The following RPAP1 variants were observed in gnomAD, a reference collection of about 807,000 sequenced individuals.
RPAP1 encodes the protein RNA polymerase II-associated protein 1.
In RPAP1, 109 loss-of-function variants were observed where a neutral mutation model predicts 142.4. That is an observed-to-expected ratio of 0.77 (90% CI 0.66 to 0.90). The LOEUF (loss-of-function observed/expected upper bound fraction) is 0.90, where lower values mean the gene tolerates loss of function less well. RPAP1 is among the 40% of genes least tolerant of loss of function. The probability of loss-of-function intolerance (pLI) is 0.00; values close to 1 mark genes in which losing one functional copy is unlikely to be tolerated. For missense variants in RPAP1, 1,546 were observed against 1,751.7 expected, an observed-to-expected ratio of 0.88 and a Z score of 2.10; for synonymous variants, 704 against 738.9, an observed-to-expected ratio of 0.95 and a Z score of 0.77.
rs561671546 is a variant in RPAP1, at chr15:41,522,514, C to T, written c.2742+251G>A. ...CAAGTGATTCTCCTGCCTCAGCCTC[C>T]CGAGTAGCTGGGATTACAGGCATGT... On this transcript the variant is annotated intron_variant, in intron 19 of 24. Transcript: ENST00000304330. The T allele has an allele frequency of 6.0e-5, 34 of 566,514 alleles. No homozygotes were observed. The East Asian group carries it at 1.0e-3, about 17-fold the overall frequency. 35.1% of individuals were successfully genotyped at this position (566,514 alleles called of 1,614,324 possible).
Position 41,522,833 on chromosome 15 carries a change from G to A in RPAP1, c.2674C>T (p.Pro892Ser). 1.3e-6 allele frequency: 2 copies of A among 1,587,466 alleles called. No homozygotes were observed. The highest frequency in any genetic ancestry group is 2.3e-5 in the East Asian group (1 of 43,172). ...LSLAGSASPFPFLTALLSLLN... is the reference protein window; with the variant it reads ...LSLAGSASPFSFLTALLSLLN... ...AGAGAGAGGAGGGCAGTGAGGAATG[G>A]GAAGGGTGAGGCTGAGCCAGCCAGA... The change falls in exon 19 of 25, where the codon CCA becomes TCA. Residue 892 changes from proline to serine, a missense_variant. This residue lies in a region of RPAP1 where 1,333 missense variants were observed against 1,486.6 expected (regional missense o/e 0.90). Coordinates refer to ENST00000304330, the MANE Select transcript of RPAP1 (RefSeq NM_015540.4).
Position 41,534,718 on chromosome 15 carries a change from C to T in RPAP1, c.759G>A (p.Gln253=), listed in dbSNP as rs778319614. Residue 253 remains glutamine (Q), a synonymous_variant, in exon 6 of 25, where the codon CAG becomes CAA. Transcript: ENST00000304330. ...ILQEQQRLLA[Q]LDPSLVAFLR... ...AGGAAAGCCAGGCACCCATACCAAG[C>T]TGGGCCAGCAACCGCTGCTGTTCCT... is the stretch of plus-strand genomic sequence containing the variant. 2 of 1,612,762 alleles carry T rather than the reference C, an allele frequency of 1.2e-6. No homozygotes were observed. Among genetic ancestry groups the T allele is most frequent in the Admixed American group, 1.7e-5 (1 of 59,980 alleles).
chr15:41,537,258 G>A, intron 1 of RPAP1, 57 bp from the exon 2 acceptor site: 4 of 835,830 alleles, frequency 4.8e-6, no homozygotes, highest in Non-Finnish European at 7.4e-6. Flanking sequence ...CTCTTTATTG[G>A]GCAACAGCGA....
chr15:41,521,699 C>T (rs1595480658), intron 21 of RPAP1, 39 bp downstream of exon 21: 1 of 1,609,762 alleles, frequency 6.2e-7, no homozygotes, highest in Non-Finnish European at 8.5e-7. Flanking sequence ...GCAGCAGCGT[C>T]CAAAAGGGCT....
Position 41,517,386 on chromosome 15 carries a change from TA to T in RPAP1, c.*155del. 1.5e-6 allele frequency: 1 copy of T among 670,042 alleles called. No individual in the cohort carries two copies. Among genetic ancestry groups the T allele is most frequent in the Non-Finnish European group, 2.5e-6 (1 of 400,752 alleles). 41.5% of individuals were successfully genotyped at this position (670,042 alleles called of 1,614,324 possible). ...GATGTAATGGTAGGGCTCACTGCTC[TA>T]AAACAGCTCAAACAACCTGCTCCCA... is the stretch of plus-strand genomic sequence containing the variant. On this transcript the variant is annotated 3_prime_UTR_variant, in exon 25 of 25. Coordinates refer to ENST00000304330, the MANE Select transcript of RPAP1 (RefSeq NM_015540.4).
Position 41,536,602 on chromosome 15 carries a change from C to T in RPAP1, c.229G>A (p.Ala77Thr). 1 of 1,614,120 alleles carries T rather than the reference C, an allele frequency of 6.2e-7. No homozygotes were observed. The highest frequency in any genetic ancestry group is 8.5e-7 in the Non-Finnish European group (1 of 1,180,028). The change falls in exon 3 of 25, where the codon GCC becomes ACC. Residue 77 changes from alanine (A) to threonine (T), a missense_variant. Ala to Thr is a moderately conservative substitution (Grantham distance 58). Around this residue, in one of 3 missense-constraint regions of RPAP1, gnomAD observed 1,333 missense variants for 1,486.6 expected, o/e 0.90. Transcript: ENST00000304330. ...PALVPSPPKRARPSPGHCLPE... is the reference protein window; with the variant it reads ...PALVPSPPKRTRPSPGHCLPE... ...AGGCAGTGGCCAGGGCTGGGCCTGG[C>T]TCTCTTTGGAGGAGAAGGGACCAAA... is the stretch of plus-strand genomic sequence containing the variant.
In RPAP1 at chr15:41,527,257, C is replaced by T. The variant is rs1167892240; in HGVS notation, c.1656G>A (p.Leu552=). 9.9e-6 allele frequency: 16 copies of T among 1,614,124 alleles called. No individual in the cohort carries two copies. In the South Asian group the frequency reaches 1.4e-4, roughly 14 times the overall value. ...CCGCAGGTCCTGGGTATGTCACCTC[C>T]AGCACGTAGCGCAGCCGAGGCAGCA... is the stretch of plus-strand genomic sequence containing the variant. ...TSLLPRLRYV[L]EVTYPGPAVV... is the part of the protein sequence containing the mutation. Residue 552 remains leucine (L), a synonymous_variant, in exon 13 of 25, where the codon CTG becomes CTA. Transcript: ENST00000304330.
At chr15:41,522,537 T>C (rs1228081867) in intron 19 of RPAP1, 7 of 562,164 alleles carry the variant, frequency 1.2e-5, no homozygotes, top group East Asian at 3.1e-5. Flanking sequence ...ATTACAGGCA[T>C]GTGCCATCAT....
Position 41,517,673 on chromosome 15 carries a change from G to T in RPAP1, c.4051C>A (p.Leu1351Met). Residue 1351 changes from leucine to methionine, a missense_variant, in exon 25 of 25, where the codon CTG (leucine) becomes ATG (methionine). Transcript: ENST00000304330. ...LADEGLRQHL[L>M]HYKLPNSTLP... ...GTGGAATTGGGAAGCTTATAGTGCA[G>T]GAGGTGCTGCCGGAGACCCTGCAGA... 6.2e-7 allele frequency: 1 copy of T among 1,612,924 alleles called. No homozygotes were observed. Among genetic ancestry groups the T allele is most frequent in the Non-Finnish European group, 8.5e-7 (1 of 1,179,164 alleles).
At chr15:41,531,625 ATATTTTTTTTTTTTTTTT>A (rs1282742725) in intron 6 of RPAP1, among the ~76,000 whole-genome samples, 12 of 15,292 alleles carry the variant, frequency 7.8e-4, no homozygotes, top group Admixed American at 7.5e-3. Flanking sequence ...ATATATATAT[ATATTTTTTTTTTTTTTTT>A]TTTTTTTTTT....
At chr15:41,536,820 A>G in intron 2 of RPAP1, 125 bp downstream of exon 2, 1 of 1,384,362 alleles carries the variant, frequency 7.2e-7, no homozygotes, top group Non-Finnish European at 9.9e-7. Flanking sequence ...ATGGGGCTGC[A>G]GAAACACAGG....
In RPAP1 at chr15:41,523,221, C is replaced by T. The variant is rs752723911; in HGVS notation, c.2546+24G>A. ...GAAATTGCCTCCTCCCCTGCTTCCC[C>T]CAGCTACCAAACACAGTACATACCT... On this transcript the variant is annotated intron_variant, in intron 18 of 24. Transcript: ENST00000304330. 2.5e-5 allele frequency: 36 copies of T among 1,461,224 alleles called. No individual in the cohort carries two copies. The African/African-American group carries it at 4.8e-4, about 20-fold the overall frequency. The allele number at this position is 1,461,224 out of a possible 1,614,324, so 90.5% of individuals were successfully genotyped here. A position where few individuals can be genotyped will look rare whatever the true frequency, so the allele number is the denominator to read the frequency against.
At chr15:41,522,077 C>T (rs1595480857) in intron 20 of RPAP1, 21 bp downstream of exon 20, 1 of 1,611,248 alleles carries the variant, frequency 6.2e-7, no homozygotes, top group Non-Finnish European at 8.5e-7. Context: ...ACAGGAGAAC[C>T]TGTCAGACAG....
At chr15:41,535,848 T>C (rs528503216) in intron 4 of RPAP1, among the ~76,000 whole-genome samples, 2 of 152,286 alleles carry the variant, frequency 1.3e-5, no homozygotes, top group Middle Eastern at 3.4e-3. Flanking sequence ...TTCTACCTAT[T>C]AGATGTGTGG....
intron 1 of RPAP1, among the ~76,000 whole-genome samples, chr15:41,540,429 G>T (rs896886591): frequency 6.6e-6 from 1 of 151,848 alleles, no homozygotes; most frequent in Non-Finnish European, 1.5e-5. Flanking sequence ...AGTCTCCCTA[G>T]TAGCTGGGAT....
intron 7 of RPAP1, among the ~76,000 whole-genome samples, chr15:41,530,426 T>G (rs2051836173): frequency 6.6e-6 from 1 of 152,062 alleles, no homozygotes. Flanking sequence ...CCCACAGCAT[T>G]TTCCTCCTTC....
chr15:41,524,232 G>A lies in RPAP1; in HGVS notation c.2098C>T (p.Arg700Trp), dbSNP rs771437321. The stretch of plus-strand genomic sequence containing the variant: ...TCCCGCGGCACCACCTGCAAGGCCC[G>A]CATCAGCACTGGGTAGAGCTCCCTA... Reference protein sequence around the residue: ...LYRELYPVLMRALQVVPRELS... With the variant: ...LYRELYPVLMWALQVVPRELS... Residue 700 changes from arginine (R) to tryptophan (W), a missense_variant, in exon 16 of 25, where the codon CGG becomes TGG. This residue lies in a region of RPAP1 where 1,333 missense variants were observed against 1,486.6 expected (regional missense o/e 0.90). Transcript: ENST00000304330. The A allele has an allele frequency of 1.2e-5, 19 of 1,545,286 alleles. No individual in the cohort carries two copies. Among genetic ancestry groups the A allele is most frequent in the Admixed American group, 4.1e-5 (2 of 49,318 alleles).
intron 6 of RPAP1, among the ~76,000 whole-genome samples, chr15:41,532,584 G>A (rs2051862908): frequency 6.6e-6 from 1 of 152,126 alleles, no homozygotes; most frequent in South Asian, 2.1e-4. Flanking sequence ...GTATCACAGA[G>A]TAGAAGAGAC....
chr15:41,532,340 T>G (rs886754056), intron 6 of RPAP1, among the ~76,000 whole-genome samples: 6 of 151,968 alleles, frequency 3.9e-5, no homozygotes, highest in Non-Finnish European at 5.9e-5. Flanking sequence ...ATATCTTTAT[T>G]TTTTGTAGAG....
Sources: gnomAD v4.1 joint callset for allele counts (sites outside exome capture counted in the v4.1 genomes callset) on GRCh38, gnomAD v4.1.1 for gene constraint, gnomAD v4.1.1 regional missense constraint, MANE v1.5 for transcripts, NCBI Gene and HGNC (gene_info 2026-07-23, HGNC 2026-07-21) for gene names.